SPIN1: variants seen among roughly 807,000 people sequenced by gnomAD.
The protein encoded by SPIN1 is spindlin 1.
SPIN1 carries 3 observed loss-of-function variants against 26.0 expected under a neutral mutation model. The ratio of observed to expected loss-of-function variants is 0.12; its 90% confidence interval spans 0.05 to 0.30. The LOEUF is 0.30. SPIN1 is among the 10% of genes least tolerant of loss of function. The pLI is 1.00. For missense variants in SPIN1, 126 were observed against 333.4 expected (o/e 0.38, Z 4.84); for synonymous variants, 101 against 116.5 (o/e 0.87, Z 0.86).
At position 88,410,162 on chromosome 9, in the gene SPIN1, A is replaced by AGTGTGTGTGTGT. The variant is rs138037814; in HGVS notation, c.-158-16204_-158-16193dup. On this transcript the variant is annotated intron_variant, in intron 1 of 5. Coordinates refer to ENST00000375859, the MANE Select transcript of SPIN1 (RefSeq NM_006717.3). ...ATTTGATGCTTTCATGCATATATTT[A>AGTGTGTGTGTGT]GTGTGTGTGTGTGTGTGTGTGTGTG... is the stretch of plus-strand genomic sequence containing the variant. Among the ~76,000 whole-genome samples, 435 of 133,030 alleles carry AGTGTGTGTGTGT rather than the reference A, an allele frequency of 3.3e-3. 3 individuals carry two copies. Among genetic ancestry groups the AGTGTGTGTGTGT allele is most frequent in the African/African-American group, 9.1e-3 (317 of 34,986 alleles). 87.3% of individuals were successfully genotyped at this position (133,030 alleles called of 152,430 possible).
chr9:88,406,726 T>TA (rs1431254888), intron 1 of SPIN1, among the ~76,000 whole-genome samples: 1 of 152,220 alleles, frequency 6.6e-6, no homozygotes, highest in Non-Finnish European at 1.5e-5. Context: ...ACCTGTTTTT[T>TA]ACCTTTTCCT....
intron 5 of SPIN1, among the ~76,000 whole-genome samples, chr9:88,468,934 G>T (rs1828723175): frequency 6.6e-6 from 1 of 152,176 alleles, no homozygotes. Flanking sequence ...ACCCTGCTCA[G>T]CTTTAACAGT....
chr9:88,465,345 A>T lies in SPIN1; in HGVS notation c.355+2596A>T, dbSNP rs186480779. Among the ~76,000 whole-genome samples, 4 of 152,264 alleles carry T rather than the reference A, an allele frequency of 2.6e-5. No homozygotes were observed. In the East Asian group the frequency reaches 7.7e-4, roughly 29 times the overall value. ...TTATAATTTTAATTTTAGTATCGTA[A>T]TTCTAATTTCTTAGGTAGAACTACC... On this transcript the variant is annotated intron_variant, in intron 4 of 5. Coordinates refer to ENST00000375859, the MANE Select transcript of SPIN1 (RefSeq NM_006717.3).
intron 1 of SPIN1, chr9:88,391,724 G>C (rs1826923693): frequency 6.6e-6 from 1 of 152,096 alleles, no homozygotes; most frequent in African/African-American, 2.4e-5. Context: ...GTTCTTTATT[G>C]ACATCTCTGA....
chr9:88,393,819 C>A (rs1003702159), intron 1 of SPIN1, among the ~76,000 whole-genome samples: 12 of 151,646 alleles, frequency 7.9e-5, no homozygotes, highest in African/African-American at 2.9e-4. Context: ...TCATTGTAGA[C>A]CCATGGATTT....
chr9:88,467,609 T>G (rs556655961), intron 4 of SPIN1, among the ~76,000 whole-genome samples: 2 of 152,096 alleles, frequency 1.3e-5, no homozygotes, highest in Non-Finnish European at 2.9e-5. Context: ...ATGGGAAACC[T>G]GAGGGCAGAG....
At chr9:88,409,575 C>A (rs190584523) in intron 1 of SPIN1, among the ~76,000 whole-genome samples, 79 of 151,914 alleles carry the variant, frequency 5.2e-4, no homozygotes, top group African/African-American at 1.9e-3. Flanking sequence ...GTGGCTCATT[C>A]CTGTAATCCC....
intron 1 of SPIN1, among the ~76,000 whole-genome samples, chr9:88,403,570 G>A (rs1827232649): frequency 6.6e-6 from 1 of 152,160 alleles, no homozygotes; most frequent in Admixed American, 6.6e-5. Context: ...AATTAGCTGT[G>A]TGTGGTGGCA....
chr9:88,418,914 G>A (rs1368315941), intron 1 of SPIN1: 1 of 152,176 alleles, frequency 6.6e-6, no homozygotes, highest in Admixed American at 6.5e-5. Flanking sequence ...AGGAGTGCAT[G>A]ACACATAGCG....
At chr9:88,388,642 C>G (rs1156641646) in intron 1 of SPIN1, 104 bp downstream of exon 1, 1 of 147,612 alleles carries the variant, frequency 6.8e-6, no homozygotes, top group Non-Finnish European at 1.5e-5. Context: ...GCGGCCCGCG[C>G]GGGGCCCGGC....
At chr9:88,434,872 C>T (rs143370976) in intron 2 of SPIN1, among the ~76,000 whole-genome samples, 125 of 152,052 alleles carry the variant, frequency 8.2e-4, no homozygotes, top group African/African-American at 2.8e-3. Flanking sequence ...GCCAACATAG[C>T]GAAACCTCAC....
chr9:88,433,902 T>C (rs1242604417), intron 2 of SPIN1, among the ~76,000 whole-genome samples: 1 of 144,992 alleles, frequency 6.9e-6, no homozygotes, highest in African/African-American at 2.6e-5. Flanking sequence ...CAGTTTTTTG[T>C]TTTTTTTTTT....
intron 1 of SPIN1, among the ~76,000 whole-genome samples, chr9:88,401,093 A>G (rs955600668): frequency 6.6e-6 from 1 of 152,200 alleles, no homozygotes; most frequent in Non-Finnish European, 1.5e-5. Flanking sequence ...GTACTTTGCT[A>G]GGACCTTTTT....
In SPIN1 at chr9:88,426,510, C is replaced by T; in HGVS notation, c.-30C>T. Reference sequence around the variant, plus strand: ...ATATTGAATTTTCACCCTAGTCCAGCAGCTCCGCTGCTCACTTAAATACAG... The same window carrying T: ...ATATTGAATTTTCACCCTAGTCCAGTAGCTCCGCTGCTCACTTAAATACAG... On this transcript the variant is annotated 5_prime_UTR_variant, in exon 2 of 6. Coordinates refer to ENST00000375859, the MANE Select transcript of SPIN1 (RefSeq NM_006717.3). The T allele has an allele frequency of 1.2e-6, 2 of 1,602,430 alleles. No individual in the cohort carries two copies. Among genetic ancestry groups the T allele is most frequent in the Non-Finnish European group, 1.7e-6 (2 of 1,171,482 alleles).
chr9:88,458,843 C>T (rs1342533300), intron 3 of SPIN1, among the ~76,000 whole-genome samples: 1 of 152,152 alleles, frequency 6.6e-6, no homozygotes, highest in Admixed American at 6.5e-5. Flanking sequence ...GAATTCCTTC[C>T]TCCTCCGAGG....
chr9:88,408,990 T>TGTGTGG, intron 1 of SPIN1, among the ~76,000 whole-genome samples: 1 of 147,016 alleles, frequency 6.8e-6, no homozygotes, highest in Non-Finnish European at 1.5e-5. Context: ...TTTGTGTGTG[T>TGTGTGG]GTGTGTGTGT....
intron 3 of SPIN1, among the ~76,000 whole-genome samples, chr9:88,461,659 C>A (rs1828578400): frequency 6.6e-6 from 1 of 152,138 alleles, no homozygotes; most frequent in Admixed American, 6.5e-5. Flanking sequence ...CCTTTCAGGT[C>A]TTTTTGTTCT....
chr9:88,433,232 C>T (rs1299502345), intron 2 of SPIN1, among the ~76,000 whole-genome samples: 1 of 152,054 alleles, frequency 6.6e-6, no homozygotes, highest in Non-Finnish European at 1.5e-5. Context: ...GGCGTGAGTG[C>T]CACCACGCCC....
chr9:88,454,118 C>A (rs1828420312), intron 3 of SPIN1, among the ~76,000 whole-genome samples: 1 of 152,004 alleles, frequency 6.6e-6, no homozygotes, highest in Non-Finnish European at 1.5e-5. Context: ...TTCAAGATGT[C>A]CTAGGTTGAA....
Sources: gnomAD v4.1 joint callset for allele counts (sites outside exome capture counted in the v4.1 genomes callset) on GRCh38, gnomAD v4.1.1 for gene constraint, MANE v1.5 for transcripts, NCBI Gene and HGNC (gene_info 2026-07-23, HGNC 2026-07-21) for gene names.